SLCO4A1: variants seen among roughly 807,000 people sequenced by gnomAD.
SLCO4A1 encodes the protein colon organic anion transporter.
SLCO4A1 carries 51 observed loss-of-function variants against 64.6 expected under a neutral mutation model. The ratio of observed to expected loss-of-function variants is 0.79; its 90% CI spans 0.63 to 1.00. The LOEUF (loss-of-function observed/expected upper bound fraction) is 1.00. Ranked by LOEUF, SLCO4A1 falls within the 50% of genes least tolerant of loss-of-function variation. The pLI, the probability that SLCO4A1 is intolerant of heterozygous loss-of-function variation, is 0.00. For missense variants in SLCO4A1, 919 were observed against 980.5 expected, an observed-to-expected ratio of 0.94 and a Z score of 0.84; for synonymous variants, 471 against 444.9, an observed-to-expected ratio of 1.06 and a Z score of -0.74.
intron 1 of SLCO4A1, among the ~76,000 whole-genome samples, chr20:62,654,402 C>G (rs910959333): frequency 3.9e-5 from 6 of 152,236 alleles, no homozygotes; most frequent in Non-Finnish European, 7.3e-5. Flanking sequence ...GTCCGCCCAC[C>G]CCAGCCCCAG....
At chr20:62,680,091 G>A (rs1323300386) in intron 2 of SLCO4A1, among the ~76,000 whole-genome samples, 3 of 152,204 alleles carry the variant, frequency 2.0e-5, no homozygotes, top group Non-Finnish European at 2.9e-5. Context: ...CCAAGGAAGA[G>A]CCATAGGACC....
chr20:62,653,896 G>C lies in SLCO4A1; in HGVS notation c.-96-2463G>C, dbSNP rs542586100. Reference sequence around the variant, plus strand: ...CACACCCCGGGGCCTGCCATGGGGTGGGGGGAGGGGGGAGGGATAGCATTA... The same window carrying C: ...CACACCCCGGGGCCTGCCATGGGGTCGGGGGAGGGGGGAGGGATAGCATTA... On this transcript the variant is annotated intron_variant, in intron 1 of 11. Transcript: ENST00000217159. Among the ~76,000 whole-genome samples, 5 of 144,880 alleles carry C rather than the reference G, an allele frequency of 3.5e-5. No homozygotes were observed. The East Asian group carries it at 8.6e-4, about 25-fold the overall frequency.
intron 3 of SLCO4A1, among the ~76,000 whole-genome samples, chr20:62,659,124 C>T (rs560991576): frequency 3.1e-4 from 47 of 152,188 alleles, no homozygotes; most frequent in African/African-American, 1.1e-3. Context: ...TAAATGTAAG[C>T]AGGAGAAAGC....
rs186367732 is a variant in SLCO4A1 at position 62,662,245 on chromosome 20, C to T, written c.1121+1070C>T. ...GCCTCATTAGGACCCTGATAGACCC[C>T]CCAAAGGAGCTGGGAGCTGCCTGCT... On this transcript the variant is annotated intron_variant, in intron 5 of 11. Transcript: ENST00000217159. Among the ~76,000 whole-genome samples, 658 of 152,168 alleles carry T rather than the reference C, an allele frequency of 4.3e-3. 1 individual carries two copies. Among genetic ancestry groups the T allele is most frequent in the Non-Finnish European group, 5.5e-3 (371 of 67,990 alleles).
At chr20:62,676,512 A>G (rs1987601636), downstream of SLCO4A1, among the ~76,000 whole-genome samples, 1 of 152,228 alleles carries the variant, frequency 6.6e-6, no homozygotes, top group African/African-American at 2.4e-5. Context: ...TTTCATCACA[A>G]AAGACATAGA....
At chr20:62,687,429 C>T (rs1050248112), downstream of SLCO4A1, among the ~76,000 whole-genome samples, 16 of 152,378 alleles carry the variant, frequency 1.1e-4, no homozygotes, top group South Asian at 2.1e-4. Context: ...GAAGAAACCA[C>T]GCAGTGGCGT....
At chr20:62,666,932 C>T (rs1986458890) in intron 7 of SLCO4A1, among the ~76,000 whole-genome samples, 1 of 152,202 alleles carries the variant, frequency 6.6e-6, no homozygotes, top group African/African-American at 2.4e-5. Flanking sequence ...CCAGGATGTG[C>T]TCCTGGAGTT....
At chr20:62,642,613 G>A (rs968298210) in intron 1 of SLCO4A1, 60 bp downstream of exon 1, 4 of 168,144 alleles carry the variant, frequency 2.4e-5, no homozygotes, top group African/African-American at 9.6e-5. Flanking sequence ...TGCTGGCGTA[G>A]GAGCGCGGCA....
chr20:62,646,854 T>A (rs1336343291), intron 1 of SLCO4A1, among the ~76,000 whole-genome samples: 1 of 152,232 alleles, frequency 6.6e-6, no homozygotes, highest in Non-Finnish European at 1.5e-5. Context: ...ATGGATGGGA[T>A]GATGAGTCGG....
At chr20:62,655,069 CTG>C (rs1983394025) in intron 1 of SLCO4A1, among the ~76,000 whole-genome samples, 1 of 152,250 alleles carries the variant, frequency 6.6e-6, no homozygotes, top group Non-Finnish European at 1.5e-5. Flanking sequence ...GTTTCAAAAA[CTG>C]TCATATTCGG....
chr20:62,670,448 G>A (rs1488624877), intron 11 of SLCO4A1, among the ~76,000 whole-genome samples: 1 of 152,148 alleles, frequency 6.6e-6, no homozygotes, highest in Non-Finnish European at 1.5e-5. Flanking sequence ...ACCTAATCAT[G>A]GCCCCAAAGC....
chr20:62,680,692 A>AT (rs1203034687), intron 2 of SLCO4A1, among the ~76,000 whole-genome samples: 1 of 152,082 alleles, frequency 6.6e-6, no homozygotes, highest in Non-Finnish European at 1.5e-5. Context: ...CGCTTTCAGA[A>AT]TGTTAAGCCT....
In SLCO4A1 at chr20:62,645,499, CCCTCACCCTCATCCTCACCCGCAG is replaced by C. The variant is rs994386077; in HGVS notation, c.-97+2958_-97+2981del. 4.8e-5 allele frequency among the ~76,000 whole-genome samples: 7 copies of C among 147,032 alleles called. No homozygotes were observed. The highest frequency in any genetic ancestry group is 2.1e-4 in the East Asian group (1 of 4,776). ...GGGTGAGGACCCACCCACACCCGCACCCTCACCCTCATCCTCACCCGCAGCCTCACCCTCAGTCCTCAGACACTG... is the reference window on the plus strand; with the variant it reads ...GGGTGAGGACCCACCCACACCCGCACCCTCACCCTCAGTCCTCAGACACTG... On this transcript the variant is annotated intron_variant, in intron 1 of 11. Coordinates refer to ENST00000217159, the MANE Select transcript of SLCO4A1 (RefSeq NM_016354.4). The surrounding 1 kb of genome is among the most constrained non-coding windows in gnomAD (Gnocchi z 4.2).
chr20:62,669,468 G>C (rs536999043), intron 11 of SLCO4A1, among the ~76,000 whole-genome samples: 7 of 152,184 alleles, frequency 4.6e-5, no homozygotes, highest in African/African-American at 1.7e-4. Context: ...GGTCCACTCC[G>C]GGCCTCAGTC....
chr20:62,682,920 A>T (rs1366001134), intron 2 of SLCO4A1, among the ~76,000 whole-genome samples: 1 of 152,212 alleles, frequency 6.6e-6, no homozygotes. Context: ...GACGGCCAGC[A>T]TCCTCGCCAG....
chr20:62,672,256 A>G lies in SLCO4A1; in HGVS notation c.*363A>G. On this transcript the variant is annotated 3_prime_UTR_variant, in exon 12 of 12. Coordinates refer to ENST00000217159, the MANE Select transcript of SLCO4A1 (RefSeq NM_016354.4). Reference sequence around the variant, plus strand: ...GAAGGCTTGTGTGTCCTCAGTTAAAACTGTGCATATCGAAATATATTTTGT... The same window carrying G: ...GAAGGCTTGTGTGTCCTCAGTTAAAGCTGTGCATATCGAAATATATTTTGT... 8.4e-7 allele frequency: 1 copy of G among 1,193,088 alleles called. No homozygotes were observed. The highest frequency in any genetic ancestry group is 1.0e-6 in the Non-Finnish European group (1 of 952,470). The allele number at this position is 1,193,088 out of a possible 1,614,324, so 73.9% of individuals were successfully genotyped here.
At chr20:62,660,685 G>T in intron 4 of SLCO4A1, 152 bp downstream of exon 4, 1 of 1,010,516 alleles carries the variant, frequency 9.9e-7, no homozygotes, top group Non-Finnish European at 1.5e-6. Context: ...CATCTGGGTG[G>T]AGAGACGCCT....
At chr20:62,664,339 C>T (rs1448560897) in intron 5 of SLCO4A1, among the ~76,000 whole-genome samples, 4 of 152,312 alleles carry the variant, frequency 2.6e-5, no homozygotes, top group Admixed American at 6.5e-5. Flanking sequence ...ATGGAGGGTT[C>T]GAATCCCAGT....
intron 1 of SLCO4A1, among the ~76,000 whole-genome samples, chr20:62,653,311 G>A (rs910607411): frequency 3.3e-5 from 5 of 152,210 alleles, no homozygotes; most frequent in African/African-American, 1.2e-4. Context: ...TGGGGAAGGG[G>A]TGCTGGTACC....
Sources: gnomAD v4.1 joint callset for allele counts (sites outside exome capture counted in the v4.1 genomes callset) on GRCh38, gnomAD v4.1.1 for gene constraint, Gnocchi (gnomAD v3.1) non-coding constraint, MANE v1.5 for transcripts, NCBI Gene and HGNC (gene_info 2026-07-23, HGNC 2026-07-21) for gene names.